UNC79: variants seen among roughly 807,000 people sequenced by gnomAD.
UNC79 encodes the protein unc-79 subunit of NALCN channel complex.
A neutral mutation model predicts 283.1 loss-of-function variants in UNC79; 37 were observed. The observed-to-expected ratio is 0.13, with a 90% CI of 0.10 to 0.17. The LOEUF is 0.17. Among genes scored for constraint, UNC79 ranks in the 10% least tolerant of loss-of-function variants. The pLI is 1.00. For synonymous variants in UNC79, 1,107 were observed against 1,200.2 expected, an observed-to-expected ratio of 0.92 and a Z score of 1.61; for missense variants, 2,272 against 3,211.1, an observed-to-expected ratio of 0.71 and a Z score of 7.07.
intron 11 of UNC79, among the ~76,000 whole-genome samples, chr14:93,535,418 TATC>T (rs1350956580): frequency 6.6e-6 from 1 of 152,244 alleles, no homozygotes; most frequent in African/African-American, 2.4e-5. Flanking sequence ...TTCCAGATAT[TATC>T]ATATGCAGTG....
intron 1 of UNC79, among the ~76,000 whole-genome samples, chr14:93,376,012 C>T (rs1343294613): frequency 6.6e-6 from 1 of 152,162 alleles, no homozygotes; most frequent in East Asian, 1.9e-4. Context: ...GCAGAAAGTC[C>T]CCACCAGCAA....
chr14:93,353,909 C>T (rs1489721931), intron 1 of UNC79, among the ~76,000 whole-genome samples: 1 of 152,056 alleles, frequency 6.6e-6, no homozygotes, highest in Non-Finnish European at 1.5e-5. Flanking sequence ...CCCTAACTTG[C>T]CCTAGAAGAG....
chr14:93,353,773 C>T (rs2054025162), intron 1 of UNC79, among the ~76,000 whole-genome samples: 1 of 152,134 alleles, frequency 6.6e-6, no homozygotes, highest in African/African-American at 2.4e-5. Flanking sequence ...TACTGTACAC[C>T]ACTGTACACT....
intron 38 of UNC79, 138 bp from the exon 42 acceptor site, chr14:93,659,055 A>G (rs2071257648): frequency 4.9e-6 from 3 of 612,852 alleles, no homozygotes; most frequent in South Asian, 5.0e-5. Context: ...CAAGGATATT[A>G]TGGCATGGGA....
intron 1 of UNC79, among the ~76,000 whole-genome samples, chr14:93,370,128 T>C (rs1344442337): frequency 6.6e-6 from 1 of 152,080 alleles, no homozygotes; most frequent in Non-Finnish European, 1.5e-5. Context: ...CAGTTCCTTT[T>C]ACCTGGCACA....
intron 23 of UNC79, 37 bp downstream of exon 23, chr14:93,593,874 C>T (rs1303633126): frequency 1.9e-6 from 3 of 1,601,910 alleles, no homozygotes; most frequent in Non-Finnish European, 2.6e-6. Flanking sequence ...TTCTGGGTCA[C>T]ACAGTACACG....
intron 35 of UNC79, among the ~76,000 whole-genome samples, chr14:93,651,389 A>G (rs902664123): frequency 1.3e-5 from 2 of 152,158 alleles, no homozygotes; most frequent in African/African-American, 4.8e-5. Flanking sequence ...AAAATATTGA[A>G]TCTTCCAATT....
intron 1 of UNC79, among the ~76,000 whole-genome samples, chr14:93,459,674 C>CTTTTTTTTTTTTTTTTT (rs34182907): frequency 1.1e-5 from 1 of 90,682 alleles, no homozygotes; most frequent in African/African-American, 4.9e-5. Context: ...GTTTATTCAA[C>CTTTTTTTTTTTTTTTTT]TTTTTTTTTT....
intron 20 of UNC79, among the ~76,000 whole-genome samples, chr14:93,586,072 G>C (rs1335139221): frequency 6.6e-6 from 1 of 152,062 alleles, no homozygotes; most frequent in Non-Finnish European, 1.5e-5. Context: ...AGTAGAGATG[G>C]GGTTTCACCA....
rs922805706 is a variant in UNC79 at position 93,538,389 on chromosome 14, T to G, written c.1352+171T>G. Among the ~76,000 whole-genome samples, 3 of 152,362 alleles carry G rather than the reference T, an allele frequency of 2.0e-5. No individual in the cohort carries two copies. In the South Asian group the frequency reaches 6.2e-4, roughly 32 times the overall value. On this transcript the variant is annotated intron_variant, in intron 12 of 48. Coordinates refer to ENST00000555664, the Ensembl canonical transcript of UNC79. ...TTTTAATTCATGAATTCAATGAATA[T>G]TTTTACGGATGCCAGTTATGTGCCA...
intron 7 of UNC79, among the ~76,000 whole-genome samples, chr14:93,509,503 G>A (rs548650906): frequency 2.6e-5 from 4 of 152,056 alleles, no homozygotes; most frequent in African/African-American, 9.7e-5. Flanking sequence ...GATTATAATG[G>A]GGATACAGGC....
chr14:93,591,014 C>T (rs1181428515), intron 22 of UNC79, among the ~76,000 whole-genome samples: 4 of 152,176 alleles, frequency 2.6e-5, no homozygotes, highest in Admixed American at 1.3e-4. Context: ...GTTTAAAGCC[C>T]ACACTGGGAG....
At position 93,466,803 on chromosome 14, in the gene UNC79, C is replaced by T. The variant is rs181428081; in HGVS notation, c.23-868C>T. 431 of 970,314 alleles carry T rather than the reference C, an allele frequency of 4.4e-4. 2 individuals are homozygous for T. In the African/African-American group the frequency reaches 6.9e-3, roughly 16 times the overall value. 60.1% of individuals were successfully genotyped at this position (970,314 alleles called of 1,614,324 possible). Reference sequence around the variant, plus strand: ...CAGAGAGACGTTGATCATCATGGCTCCTTGGGATTTGCAAAGAGGAATGAC... The same window carrying T: ...CAGAGAGACGTTGATCATCATGGCTTCTTGGGATTTGCAAAGAGGAATGAC... On this transcript the variant is annotated intron_variant, in intron 1 of 48. Coordinates refer to ENST00000555664, the Ensembl canonical transcript of UNC79.
intron 1 of UNC79, among the ~76,000 whole-genome samples, chr14:93,465,911 C>T (rs890305865): frequency 7.2e-5 from 11 of 152,038 alleles, no homozygotes; most frequent in Admixed American, 5.9e-4. Context: ...GCATATATCT[C>T]GGATATTTGG....
At chr14:93,356,114 G>A (rs1308744983) in intron 1 of UNC79, among the ~76,000 whole-genome samples, 2 of 148,884 alleles carry the variant, frequency 1.3e-5, no homozygotes, top group African/African-American at 5.0e-5. Context: ...TGCAACCTCC[G>A]CCTCCCGGGT....
chr14:93,486,472 T>C (rs2140452046), intron 4 of UNC79, among the ~76,000 whole-genome samples: 1 of 151,784 alleles, frequency 6.6e-6, no homozygotes, highest in South Asian at 2.1e-4. Flanking sequence ...CTGGCCAAGA[T>C]GGTGAAACCC....
At chr14:93,652,102 G>A (rs555773332) in intron 35 of UNC79, among the ~76,000 whole-genome samples, 3 of 151,968 alleles carry the variant, frequency 2.0e-5, no homozygotes, top group Non-Finnish European at 2.9e-5. Flanking sequence ...GGCTCAGACT[G>A]CCAGTGTAAT....
rs189535847 is a variant in UNC79 at position 93,506,423 on chromosome 14, A to G, written c.898+9137A>G. On this transcript the variant is annotated intron_variant, in intron 7 of 48. Transcript: ENST00000555664. ...TTTTTAGTAGAGACGGGATTTCACC[A>G]TCTTGGCCAGGCTAGCCTTGATTGG... Among the ~76,000 whole-genome samples the G allele has an allele frequency of 2.8e-4, 42 of 152,138 alleles. 1 individual carries two copies. The East Asian group carries it at 7.7e-3, about 28-fold the overall frequency.
chr14:93,515,561 G>A (rs1595714708), intron 7 of UNC79, among the ~76,000 whole-genome samples: 1 of 152,132 alleles, frequency 6.6e-6, no homozygotes, highest in East Asian at 1.9e-4. Flanking sequence ...TTTTGCTTCT[G>A]GTGAAAGGGT....
Sources: allele counts gnomAD v4.1 joint callset (sites outside exome capture counted in the v4.1 genomes callset), GRCh38; gene constraint gnomAD v4.1.1; transcripts MANE v1.5; gene names NCBI Gene and HGNC (gene_info 2026-07-23, HGNC 2026-07-21).